The following CMSS1 variants were observed in gnomAD, a reference collection of about 807,000 sequenced individuals.
The protein encoded by CMSS1 is protein CMSS1.
In CMSS1, 33 loss-of-function variants were observed where a neutral mutation model predicts 43.5. The observed-to-expected ratio is 0.76, with a 90% confidence interval of 0.57 to 1.01. The LOEUF (loss-of-function observed/expected upper bound fraction) is 1.01, where lower values mean the gene tolerates loss of function less well. CMSS1 is among the 50% of genes least tolerant of loss of function. The probability of loss-of-function intolerance (pLI) is 0.00; values close to 1 mark genes in which losing one functional copy is unlikely to be tolerated. For synonymous variants in CMSS1, 115 were observed against 117.2 expected, an observed-to-expected ratio of 0.98 and a Z score of 0.12; for missense variants, 313 against 326.4, an observed-to-expected ratio of 0.96 and a Z score of 0.32.
Position 99,865,822 on chromosome 3 carries a change from T to G in CMSS1, c.64+47779T>G, listed in dbSNP as rs1944485374. 3.3e-5 allele frequency among the ~76,000 whole-genome samples: 5 copies of G among 151,966 alleles called. No homozygotes were observed. The South Asian group carries it at 1.0e-3, about 32-fold the overall frequency. ...TTATCTTATTAAGAATATTTATATG[T>G]TTTTTTATTGCTCACAATCCATTTA... On this transcript the variant is annotated intron_variant, in intron 1 of 9. Transcript: ENST00000421999.
chr3:100,144,892 T>C (rs1251757544), intron 1 of CMSS1, among the ~76,000 whole-genome samples: 1 of 152,230 alleles, frequency 6.6e-6, no homozygotes, highest in Non-Finnish European at 1.5e-5. Flanking sequence ...AATCTCTAGC[T>C]GGTCTGCTAT....
intron 1 of CMSS1, among the ~76,000 whole-genome samples, chr3:99,837,595 C>T (rs1190166288): frequency 6.6e-6 from 1 of 152,152 alleles, no homozygotes; most frequent in Admixed American, 6.5e-5. Flanking sequence ...TTTGCAGTGG[C>T]AGTTTTTACT....
At chr3:99,828,411 A>ATTT (rs3037708) in intron 1 of CMSS1, among the ~76,000 whole-genome samples, 76,503 of 139,362 alleles carry the variant, frequency 0.55, 21,195 homozygotes, top group East Asian at 0.64. Flanking sequence ...ACATACGTGT[A>ATTT]TTTTTTTTTT....
intron 1 of CMSS1, among the ~76,000 whole-genome samples, chr3:99,819,716 T>C (rs1366295082): frequency 6.6e-6 from 1 of 152,024 alleles, no homozygotes; most frequent in African/African-American, 2.4e-5. Flanking sequence ...CCCTTAAAGA[T>C]CATCTTTTTT....
chr3:100,115,575 G>GTCTCTCTCTCTCTCTC (rs66793218), intron 1 of CMSS1, among the ~76,000 whole-genome samples: 6 of 98,026 alleles, frequency 6.1e-5, no homozygotes, highest in South Asian at 3.6e-4. Flanking sequence ...CTCTCTCTCT[G>GTCTCTCTCTCTCTCTC]TCTCTCTCTC....
At chr3:99,901,257 C>T (rs1706427629) in intron 1 of CMSS1, among the ~76,000 whole-genome samples, 1 of 152,106 alleles carries the variant, frequency 6.6e-6, no homozygotes, top group Non-Finnish European at 1.5e-5. Context: ...TTTAGAGATG[C>T]CAACTTAATT....
chr3:100,124,761 C>T (rs1464476575), intron 1 of CMSS1, among the ~76,000 whole-genome samples: 2 of 152,182 alleles, frequency 1.3e-5, no homozygotes, highest in East Asian at 1.9e-4. Flanking sequence ...AAACACAAGG[C>T]TCTGGGGACA....
At chr3:100,130,566 G>A (rs775078303) in intron 1 of CMSS1, among the ~76,000 whole-genome samples, 7 of 152,142 alleles carry the variant, frequency 4.6e-5, no homozygotes, top group Non-Finnish European at 8.8e-5. Context: ...GAGGACAGAC[G>A]CAATGTGAAG....
intron 1 of CMSS1, among the ~76,000 whole-genome samples, chr3:99,995,754 C>T (rs868862822): frequency 3.9e-4 from 59 of 152,360 alleles, no homozygotes; most frequent in African/African-American, 1.3e-3. Flanking sequence ...GCTGCCAAGG[C>T]TTGGGTCTTG....
intron 1 of CMSS1, among the ~76,000 whole-genome samples, chr3:99,876,453 A>G (rs1159611364): frequency 1.3e-5 from 2 of 152,194 alleles, no homozygotes; most frequent in Non-Finnish European, 2.9e-5. Context: ...GGCAGGGTCG[A>G]TCCGCTTGTA....
At chr3:99,964,425 G>A (rs1053547356) in intron 1 of CMSS1, 2 of 152,076 alleles carry the variant, frequency 1.3e-5, no homozygotes, top group Middle Eastern at 7.8e-4. Context: ...TCCTTAAACA[G>A]GATCAAGGCC....
intron 1 of CMSS1, among the ~76,000 whole-genome samples, chr3:99,931,909 A>G (rs1483277823): frequency 6.6e-6 from 1 of 152,218 alleles, no homozygotes; most frequent in East Asian, 1.9e-4. Context: ...AATTGACTCT[A>G]TGGCATATAA....
intron 1 of CMSS1, among the ~76,000 whole-genome samples, chr3:100,139,613 GTATA>G (rs71132513): frequency 1.9e-4 from 16 of 83,620 alleles, no homozygotes; most frequent in African/African-American, 5.1e-4. Flanking sequence ...ATGTGTGTGT[GTATA>G]TATATATATA....
intron 1 of CMSS1, among the ~76,000 whole-genome samples, chr3:100,037,933 G>A (rs1014437190): frequency 1.5e-5 from 2 of 130,336 alleles, no homozygotes; most frequent in Admixed American, 7.9e-5. Context: ...CTTTTTAATC[G>A]CTTTTCTTTT....
At chr3:100,110,412 C>T (rs1256062207) in intron 1 of CMSS1, among the ~76,000 whole-genome samples, 4 of 152,084 alleles carry the variant, frequency 2.6e-5, no homozygotes, top group Non-Finnish European at 5.9e-5. Flanking sequence ...ATCCCGTTTG[C>T]TATCCTCCCC....
At chr3:100,034,902 G>A (rs536883363) in intron 1 of CMSS1, among the ~76,000 whole-genome samples, 1 of 152,208 alleles carries the variant, frequency 6.6e-6, no homozygotes, top group South Asian at 2.1e-4. Flanking sequence ...CTCAATCACT[G>A]CAGTAGTCCA....
chr3:99,830,676 A>C (rs1402688252), intron 1 of CMSS1: 1 of 436,588 alleles, frequency 2.3e-6, no homozygotes, highest in Admixed American at 2.4e-5. Flanking sequence ...TGTTTAGGAC[A>C]TGGAGTCAGT....
At position 100,072,987 on chromosome 3, in the gene CMSS1, GT is replaced by G. The variant is rs565113768; in HGVS notation, c.65-73977del. ...ATATGTTTGAAGAGCACTTTTTAAA[GT>G]TTTTTTTTACATCCACTTCCTTAAT... On this transcript the variant is annotated intron_variant, in intron 1 of 9. Transcript: ENST00000421999. Among the ~76,000 whole-genome samples, 3 of 151,506 alleles carry G rather than the reference GT, an allele frequency of 2.0e-5. No homozygotes were observed. The East Asian group carries it at 5.8e-4, about 29-fold the overall frequency.
chr3:100,125,365 C>A (rs1465093091), intron 1 of CMSS1, among the ~76,000 whole-genome samples: 21 of 152,142 alleles, frequency 1.4e-4, no homozygotes, highest in Admixed American at 1.4e-3. Context: ...AGGAAATAAT[C>A]ATTTTAGTTA....
Sources: gnomAD v4.1 joint callset for allele counts (sites outside exome capture counted in the v4.1 genomes callset) on GRCh38, gnomAD v4.1.1 for gene constraint, MANE v1.5 for transcripts, NCBI Gene and HGNC (gene_info 2026-07-23, HGNC 2026-07-21) for gene names.